The following STAT3 variants were observed in gnomAD, a reference collection of about 807,000 sequenced individuals.
STAT3 encodes the protein DNA-binding protein APRF.
In STAT3, 7 loss-of-function variants were observed where a neutral mutation model predicts 114.3. The ratio of observed to expected loss-of-function variants is 0.06; its 90% confidence interval spans 0.03 to 0.11. The LOEUF (loss-of-function observed/expected upper bound fraction) is 0.11. STAT3 is among the 10% of genes least tolerant of loss of function. STAT3 has a pLI of 1.00. For synonymous variants in STAT3, 331 were observed against 354.5 expected, an observed-to-expected ratio of 0.93 and a Z score of 0.74; for missense variants, 364 against 960.9, an observed-to-expected ratio of 0.38 and a Z score of 8.21.
chr17:42,361,509 T>C (rs907435605), intron 1 of STAT3, among the ~76,000 whole-genome samples: 9 of 150,808 alleles, frequency 6.0e-5, no homozygotes, highest in African/African-American at 2.4e-5. Context: ...CCTCAGATGA[T>C]GCTAAAGTGA....
Position 42,317,228 on chromosome 17 carries a change from GGAA to G in STAT3, c.2102-7_2102-5del. 1 of 1,613,664 alleles carries G rather than the reference GGAA, an allele frequency of 6.2e-7. No homozygotes were observed. Among genetic ancestry groups the G allele is most frequent in the South Asian group, 1.1e-5 (1 of 90,994 alleles). On this transcript the variant is annotated splice_polypyrimidine_tract_variant and splice_region_variant and intron_variant, in intron 21 of 23. Coordinates refer to ENST00000264657, the MANE Select transcript of STAT3 (RefSeq NM_139276.3). The stretch of plus-strand genomic sequence containing the variant: ...GTCTTCAGGTATGGGGCAGCGCCTG[GGAA>G]GAAGAAAACCAGTTTTCTTACTGAC...
chr17:42,318,577 T>C (rs1377443734), intron 21 of STAT3, among the ~76,000 whole-genome samples: 4 of 152,214 alleles, frequency 2.6e-5, no homozygotes, highest in Non-Finnish European at 5.9e-5. Flanking sequence ...TTTTAGATGC[T>C]GAATGCTTAC....
intron 23 of STAT3, 150 bp downstream of exon 23, chr17:42,316,637 CAT>C (rs1347227953): frequency 6.5e-7 from 1 of 1,533,280 alleles, no homozygotes; most frequent in Non-Finnish European, 8.8e-7. Context: ...TATACTCACA[CAT>C]GTGGCATTCA....
At chr17:42,344,904 A>C (rs2082626135) in intron 4 of STAT3, among the ~76,000 whole-genome samples, 2 of 152,048 alleles carry the variant, frequency 1.3e-5, no homozygotes, top group Admixed American at 1.3e-4. Flanking sequence ...AATAAGCTGA[A>C]AACATCCCTT....
At chr17:42,318,849 C>T (rs912244135) in intron 21 of STAT3, among the ~76,000 whole-genome samples, 4 of 152,206 alleles carry the variant, frequency 2.6e-5, no homozygotes, top group African/African-American at 9.7e-5. Flanking sequence ...AAAGGAGCTA[C>T]TGAGGCAAGA....
In STAT3 at chr17:42,324,953, G is replaced by C; in HGVS notation, c.1464+10C>G. 6.2e-7 allele frequency: 1 copy of C among 1,614,142 alleles called. No homozygotes were observed. Among genetic ancestry groups the C allele is most frequent in the Non-Finnish European group, 8.5e-7 (1 of 1,180,020 alleles). ...TCCCGGGGCACCAACTAAAAGGAGG[G>C]GGCACTAACCTTGGGATTGTTGGTC... On this transcript the variant is annotated intron_variant, in intron 16 of 23. Coordinates refer to ENST00000264657, the MANE Select transcript of STAT3 (RefSeq NM_139276.3). The surrounding 1 kb of genome is among the most constrained non-coding windows in gnomAD (Gnocchi z 4.5).
chr17:42,315,391 G>GAAC lies in STAT3; in HGVS notation c.*351_*353dup, dbSNP rs533596827. On this transcript the variant is annotated 3_prime_UTR_variant, in exon 24 of 24. Transcript: ENST00000264657. ...CAGGCACCAGGAGGCACTTGTCTAA[G>GAAC]AACAACAACAACAATAACAAAAAGC... 2 of 456,900 alleles carry GAAC rather than the reference G, an allele frequency of 4.4e-6. No homozygotes were observed. The highest frequency in any genetic ancestry group is 8.1e-6 in the Non-Finnish European group (2 of 247,732). 28.3% of individuals were successfully genotyped at this position (456,900 alleles called of 1,614,324 possible).
At chr17:42,361,887 T>C (rs1172488526) in intron 1 of STAT3, among the ~76,000 whole-genome samples, 1 of 152,186 alleles carries the variant, frequency 6.6e-6, no homozygotes, top group Non-Finnish European at 1.5e-5. Flanking sequence ...ATAATCCTGG[T>C]GGGAGGTCGT....
At chr17:42,348,290 C>T (rs1360164129) in intron 2 of STAT3, 99 bp downstream of exon 2, 2 of 1,546,586 alleles carry the variant, frequency 1.3e-6, no homozygotes, top group Non-Finnish European at 1.8e-6. Context: ...TGTACCCATA[C>T]ATTTTTTAAT....
At chr17:42,386,598 A>G (rs1389647931) in intron 1 of STAT3, among the ~76,000 whole-genome samples, 1 of 152,008 alleles carries the variant, frequency 6.6e-6, no homozygotes, top group Middle Eastern at 3.2e-3. Flanking sequence ...GCCTCTCACC[A>G]TGTTGCCCAG....
chr17:42,319,694 A>C (rs2081392540), intron 21 of STAT3, among the ~76,000 whole-genome samples: 1 of 151,892 alleles, frequency 6.6e-6, no homozygotes, highest in Non-Finnish European at 1.5e-5. Context: ...TCCAGTAGAG[A>C]AGGAAGAGAG....
intron 1 of STAT3, among the ~76,000 whole-genome samples, chr17:42,353,454 A>C (rs527812646): frequency 6.6e-6 from 1 of 152,288 alleles, no homozygotes; most frequent in African/African-American, 2.4e-5. Flanking sequence ...TCTTATTTTT[A>C]TTGAACACTG....
At chr17:42,334,645 T>C (rs188982881) in intron 8 of STAT3, among the ~76,000 whole-genome samples, 97 of 152,158 alleles carry the variant, frequency 6.4e-4, no homozygotes, top group Non-Finnish European at 1.2e-3. Flanking sequence ...GGATTTTGCC[T>C]TGTTGGCCAG....
chr17:42,368,646 G>T (rs1384866157), intron 1 of STAT3, among the ~76,000 whole-genome samples: 1 of 151,656 alleles, frequency 6.6e-6, no homozygotes, highest in African/African-American at 2.4e-5. Context: ...TTTTAGTAGA[G>T]ACAGGGTTTC....
chr17:42,339,270 AAAT>A, intron 5 of STAT3, 41 bp downstream of exon 5: 1 of 1,597,730 alleles, frequency 6.3e-7, no homozygotes, highest in Non-Finnish European at 8.5e-7. Flanking sequence ...AAAAAAAAAA[AAAT>A]TAATGAAAGC....
At chr17:42,327,503 C>T (rs2081781412) in intron 14 of STAT3, among the ~76,000 whole-genome samples, 1 of 152,118 alleles carries the variant, frequency 6.6e-6, no homozygotes, top group African/African-American at 2.4e-5. Context: ...ATAATGTATT[C>T]ATTCTAATGT....
At chr17:42,315,918 C>A (rs1290985280) in intron 23 of STAT3, 118 bp from the exon 24 acceptor site, 2 of 1,590,670 alleles carry the variant, frequency 1.3e-6, no homozygotes. Context: ...ATCTCCTGCC[C>A]CTTAAGGCCC....
At position 42,345,544 on chromosome 17, in the gene STAT3, T is replaced by G. The variant is rs1183289653; in HGVS notation, c.372+15A>C. 76 of 1,590,836 alleles carry G rather than the reference T, an allele frequency of 4.8e-5. No individual in the cohort carries two copies. Among genetic ancestry groups the G allele is most frequent in the Non-Finnish European group, 6.4e-5 (75 of 1,165,932 alleles). Reference sequence around the variant, plus strand: ...TTCCTCCCAGACCAGGGATTTGTTTTGTCTCAGGTCTCACCTGGGCCGCAG... The same window carrying G: ...TTCCTCCCAGACCAGGGATTTGTTTGGTCTCAGGTCTCACCTGGGCCGCAG... On this transcript the variant is annotated intron_variant, in intron 4 of 23. Coordinates refer to ENST00000264657, the MANE Select transcript of STAT3 (RefSeq NM_139276.3).
intron 1 of STAT3, among the ~76,000 whole-genome samples, chr17:42,380,873 G>A (rs1230196595): frequency 3.3e-5 from 5 of 152,098 alleles, no homozygotes; most frequent in African/African-American, 7.2e-5. Context: ...TGATCTCACC[G>A]CTGCACTCCA....
Sources: allele counts gnomAD v4.1 joint callset (sites outside exome capture counted in the v4.1 genomes callset), GRCh38; gene constraint gnomAD v4.1.1; non-coding constraint Gnocchi (gnomAD v3.1); transcripts MANE v1.5; gene names NCBI Gene and HGNC (gene_info 2026-07-23, HGNC 2026-07-21).